Variants in TRIM71 observed in about 807,000 individuals in gnomAD.
The protein encoded by TRIM71 is tripartite motif containing 71.
Under a neutral mutation model 61.2 loss-of-function variants are expected in TRIM71, and 9 were observed. That is an observed-to-expected ratio of 0.15 (90% CI 0.09 to 0.26). TRIM71 has a LOEUF of 0.26. Ranked by LOEUF, TRIM71 falls within the 10% of genes least tolerant of loss-of-function variation. TRIM71 has a pLI of 1.00. For missense variants in TRIM71, 998 were observed against 1,238.7 expected, an observed-to-expected ratio of 0.81 and a Z score of 2.92; for synonymous variants, 645 against 553.2, an observed-to-expected ratio of 1.17 and a Z score of -2.33.
At chr3:32,830,063 A>G (rs1366970421) in intron 1 of TRIM71, among the ~76,000 whole-genome samples, 1 of 150,674 alleles carries the variant, frequency 6.6e-6, no homozygotes, top group Non-Finnish European at 1.5e-5. Context: ...ATATGGGACT[A>G]TAGGTACATG....
chr3:32,890,657 C>T lies in TRIM71; in HGVS notation c.1453C>T (p.Pro485Ser), dbSNP rs757547730. The T allele has an allele frequency of 1.2e-6, 2 of 1,613,928 alleles. No individual in the cohort carries two copies. Among genetic ancestry groups the T allele is most frequent in the South Asian group, 1.1e-5 (1 of 91,082 alleles). Residue 485 changes from proline to serine, a missense_variant, in exon 4 of 4, where the codon CCA (proline) becomes TCA (serine). Pro to Ser is a moderately conservative substitution (Grantham distance 74). Coordinates refer to ENST00000383763, the MANE Select transcript of TRIM71 (RefSeq NM_001039111.3). This position sits in a 1 kb window ranked among gnomAD's most constrained non-coding sequence, Gnocchi z 6.2. ...FGFVSSGAFA[P>S]LTKATGDGLK... ...CTTTGTTAGCAGCGGGGCCTTTGCC[C>T]CACTCACCAAGGCCACAGGCGATGG...
intron 1 of TRIM71, among the ~76,000 whole-genome samples, chr3:32,827,485 C>T (rs1386336341): frequency 6.6e-6 from 1 of 151,922 alleles, no homozygotes; most frequent in African/African-American, 2.4e-5. Flanking sequence ...TGGTCTCGAA[C>T]TCCTGACCTC....
Position 32,857,266 on chromosome 3 carries a change from C to A in TRIM71, c.853-16552C>A, listed in dbSNP as rs1696616226. ...CCTTTTAACTGGCAGATTTGTAAAT[C>A]TTCCACCTCAGTCCTCCTGGGTCTG... On this transcript the variant is annotated intron_variant, in intron 1 of 3. Transcript: ENST00000383763. Among the ~76,000 whole-genome samples, 4 of 152,226 alleles carry A rather than the reference C, an allele frequency of 2.6e-5. No homozygotes were observed. The South Asian group carries it at 8.3e-4, about 32-fold the overall frequency.
chr3:32,850,337 A>G (rs1696524234), intron 1 of TRIM71, among the ~76,000 whole-genome samples: 1 of 152,186 alleles, frequency 6.6e-6, no homozygotes, highest in Non-Finnish European at 1.5e-5. Flanking sequence ...ATTGTTTCCC[A>G]AAGGATTTTT....
At chr3:32,836,684 T>C (rs1286499396) in intron 1 of TRIM71, among the ~76,000 whole-genome samples, 1 of 152,220 alleles carries the variant, frequency 6.6e-6, no homozygotes, top group Non-Finnish European at 1.5e-5. Flanking sequence ...GTCCTTTTTT[T>C]CTTTGTACCT....
At chr3:32,851,783 C>G (rs1167607490) in intron 1 of TRIM71, among the ~76,000 whole-genome samples, 2 of 152,160 alleles carry the variant, frequency 1.3e-5, no homozygotes, top group Non-Finnish European at 2.9e-5. Context: ...CCTGCCTGAA[C>G]TGGCAACTTT....
intron 1 of TRIM71, among the ~76,000 whole-genome samples, chr3:32,863,755 C>T (rs542129447): frequency 6.6e-6 from 1 of 151,844 alleles, no homozygotes; most frequent in East Asian, 1.9e-4. Flanking sequence ...GATCTTGGCT[C>T]ACTGCAGCCT....
At chr3:32,837,506 G>T (rs1284542774) in intron 1 of TRIM71, among the ~76,000 whole-genome samples, 1 of 152,166 alleles carries the variant, frequency 6.6e-6, no homozygotes, top group South Asian at 2.1e-4. Flanking sequence ...GCTTACTACT[G>T]ATCTGAGGAT....
chr3:32,875,113 G>A (rs1356538727), intron 2 of TRIM71, among the ~76,000 whole-genome samples: 1 of 152,198 alleles, frequency 6.6e-6, no homozygotes, highest in Non-Finnish European at 1.5e-5. Context: ...GAGCCACCAT[G>A]CCCGGCCTAA....
intron 1 of TRIM71, among the ~76,000 whole-genome samples, chr3:32,872,309 A>G (rs1397129585): frequency 2.0e-5 from 3 of 152,150 alleles, no homozygotes; most frequent in Admixed American, 2.0e-4. Flanking sequence ...TAGATTACAC[A>G]CTTCCCTATT....
At chr3:32,840,972 C>T (rs1416938823) in intron 1 of TRIM71, among the ~76,000 whole-genome samples, 2 of 152,150 alleles carry the variant, frequency 1.3e-5, no homozygotes, top group African/African-American at 2.4e-5. Flanking sequence ...CCTGGCTGGG[C>T]GCAGTGGCTC....
At position 32,896,221 on chromosome 3, in the gene TRIM71, G is replaced by T. The variant is rs187326069; in HGVS notation, c.*4410G>T. ...AATGTCTGCAAATAATACCCTTTAG[G>T]AGCAATTCTAAAGGTCTAGATCTTG... is the stretch of plus-strand genomic sequence containing the variant. On this transcript the variant is annotated 3_prime_UTR_variant, in exon 4 of 4. Coordinates refer to ENST00000383763, the MANE Select transcript of TRIM71 (RefSeq NM_001039111.3). 6.6e-6 allele frequency: 1 copy of T among 152,148 alleles called. No homozygotes were observed. Among genetic ancestry groups the T allele is most frequent in the African/African-American group, 2.4e-5 (1 of 41,510 alleles). The allele number at this position is 152,148 out of a possible 1,614,324, so 9.4% of individuals were successfully genotyped here. A position where few individuals can be genotyped will look rare whatever the true frequency, so the allele number is the denominator to read the frequency against.
At position 32,884,317 on chromosome 3, in the gene TRIM71, T is replaced by C. The variant is rs115728446; in HGVS notation, c.1021-1617T>C. 7.4e-3 allele frequency among the ~76,000 whole-genome samples: 1,126 copies of C among 152,170 alleles called. 18 individuals carry two copies. Among genetic ancestry groups the C allele is most frequent in the African/African-American group, 0.026 (1,059 of 41,516 alleles). On this transcript the variant is annotated intron_variant, in intron 2 of 3. Coordinates refer to ENST00000383763, the MANE Select transcript of TRIM71 (RefSeq NM_001039111.3). ...CATGCCATGAATGTGTCAGCTGTCA[T>C]CCAGAGCAAGTCAAACTGTTGGGCA...
chr3:32,848,445 C>T (rs1256477406), intron 1 of TRIM71, among the ~76,000 whole-genome samples: 2 of 152,194 alleles, frequency 1.3e-5, no homozygotes, highest in East Asian at 3.9e-4. Context: ...CCCCTCTTCC[C>T]TGGAGGGGTG....
At chr3:32,886,107 C>A in intron 3 of TRIM71, 39 bp downstream of exon 3, 1 of 1,589,226 alleles carries the variant, frequency 6.3e-7, no homozygotes, top group Non-Finnish European at 8.6e-7. Flanking sequence ...TGTGCCCACT[C>A]GGCTTCCATG....
chr3:32,888,578 T>C (rs1696986943), intron 3 of TRIM71, among the ~76,000 whole-genome samples: 1 of 152,084 alleles, frequency 6.6e-6, no homozygotes, highest in African/African-American at 2.4e-5. Context: ...TTCGCTCTTA[T>C]TGCCCAGGCT....
In TRIM71 at chr3:32,895,216, C is replaced by A. The variant is rs1697065704; in HGVS notation, c.*3405C>A. On this transcript the variant is annotated 3_prime_UTR_variant, in exon 4 of 4. Transcript: ENST00000383763. ...CAAGTGGCACTCAAGTTGACTAGAG[C>A]ACAGTGACCTGGGTTGTACCCCAAG... is the stretch of plus-strand genomic sequence containing the variant. The A allele has an allele frequency of 6.6e-6, 1 of 152,210 alleles. No individual in the cohort carries two copies. The highest frequency in any genetic ancestry group is 1.5e-5 in the Non-Finnish European group (1 of 68,040). The allele number at this position is 152,210 out of a possible 1,614,324, so 9.4% of individuals were successfully genotyped here. A position where few individuals can be genotyped will look rare whatever the true frequency, so the allele number is the denominator to read the frequency against.
chr3:32,842,949 CT>C (rs1216673260), intron 1 of TRIM71, among the ~76,000 whole-genome samples: 2 of 149,720 alleles, frequency 1.3e-5, no homozygotes, highest in African/African-American at 4.9e-5. Context: ...GGCCAAGCCC[CT>C]ATGAGTCTTA....
Position 32,885,760 on chromosome 3 carries a change from C to G in TRIM71, c.1021-174C>G, listed in dbSNP as rs200190799. On this transcript the variant is annotated intron_variant, in intron 2 of 3. Coordinates refer to ENST00000383763, the MANE Select transcript of TRIM71 (RefSeq NM_001039111.3). ...GCCAGCAACTCCTTTAGTTACATGT[C>G]AAACAGATGCCAGTCTCTCCCTAAG... Among the ~76,000 whole-genome samples the G allele has an allele frequency of 3.9e-5, 6 of 152,150 alleles. No individual in the cohort carries two copies. In the East Asian group the frequency reaches 9.6e-4, roughly 24 times the overall value.
Sources: gnomAD v4.1 joint callset for allele counts (sites outside exome capture counted in the v4.1 genomes callset) on GRCh38, gnomAD v4.1.1 for gene constraint, Gnocchi (gnomAD v3.1) non-coding constraint, MANE v1.5 for transcripts, NCBI Gene and HGNC (gene_info 2026-07-23, HGNC 2026-07-21) for gene names.